C6orf132: variants seen among roughly 807,000 people sequenced by gnomAD.
C6orf132 encodes chromosome 6 open reading frame 132, also known as uncharacterized protein C6orf132.
In C6orf132, 43 loss-of-function variants were observed where a neutral mutation model predicts 65.3. That is an observed-to-expected ratio of 0.66 (90% CI 0.52 to 0.85). C6orf132 has a LOEUF of 0.85. C6orf132 is among the 40% of genes least tolerant of loss of function. The pLI, the probability that C6orf132 is intolerant of heterozygous loss-of-function variation, is 0.00. For synonymous variants in C6orf132, 631 were observed against 654.1 expected (o/e 0.96, Z 0.54); for missense variants, 1,488 against 1,548.8 (o/e 0.96, Z 0.66).
chr6:42,105,275 A>G lies in C6orf132; in HGVS notation c.2637T>C (p.Ser879=). 6.5e-7 allele frequency: 1 copy of G among 1,537,214 alleles called. No homozygotes were observed. The highest frequency in any genetic ancestry group is 8.7e-7 in the Non-Finnish European group (1 of 1,146,884). The change falls in exon 4 of 5, where the codon TCT becomes TCC. Residue 879 remains serine, a synonymous_variant. Transcript: ENST00000341865. ...TGCCCTGGCTGTGGAAGATGCTGTC[A>G]GAGCTGGCCTCGGCTTGGTGGCTGT... is the stretch of plus-strand genomic sequence containing the variant. The part of the protein sequence containing the change: ...RDHSHQAEAS[S]DSIFHSQGTP...
chr6:42,103,203 C>T lies in C6orf132; in HGVS notation c.*558G>A, dbSNP rs79755739. The T allele has an allele frequency of 2.8e-4, 113 of 398,632 alleles. No homozygotes were observed. Among genetic ancestry groups the T allele is most frequent in the African/African-American group, 1.8e-3 (88 of 48,736 alleles). 24.7% of individuals were successfully genotyped at this position (398,632 alleles called of 1,614,324 possible). A position where few individuals can be genotyped will look rare whatever the true frequency, so the allele number is the denominator to read the frequency against. On this transcript the variant is annotated 3_prime_UTR_variant, in exon 5 of 5. Coordinates refer to ENST00000341865, the MANE Select transcript of C6orf132 (RefSeq NM_001164446.3). ...TGTTATACATACACATTCCTGGTCC[C>T]ACCTCAATGCGGCTAGGAACCCCAG...
At position 42,106,766 on chromosome 6, in the gene C6orf132, T is replaced by TTGGGAC. The variant is rs2127473594; in HGVS notation, c.1140_1145dup (p.Ser381_Gln382dup). ...GCGGAGTCCCAGCTCGTTCATCTGC[T>TTGGGAC]TGGGACTGGGACTGGCCAAGCCTTG... On this transcript the variant is annotated inframe_insertion, in exon 4 of 5. Transcript: ENST00000341865. The TTGGGAC allele has an allele frequency of 6.5e-7, 1 of 1,533,102 alleles. No homozygotes were observed. Among genetic ancestry groups the TTGGGAC allele is most frequent in the Non-Finnish European group, 8.7e-7 (1 of 1,146,318 alleles). 95.0% of individuals were successfully genotyped at this position (1,533,102 alleles called of 1,614,324 possible).
At chr6:42,122,733 G>A (rs935354832) in intron 2 of C6orf132, among the ~76,000 whole-genome samples, 10 of 152,180 alleles carry the variant, frequency 6.6e-5, no homozygotes, top group African/African-American at 2.4e-4. Context: ...CTGCAGCAGC[G>A]GGGTGGGTGG....
At chr6:42,136,235 T>G (rs765241530) in intron 1 of C6orf132, among the ~76,000 whole-genome samples, 11 of 150,242 alleles carry the variant, frequency 7.3e-5, no homozygotes, top group Non-Finnish European at 1.3e-4. Context: ...TGGATTCACA[T>G]CCATATAATA....
intron 1 of C6orf132, among the ~76,000 whole-genome samples, chr6:42,135,431 C>T (rs1489594290): frequency 6.6e-6 from 1 of 152,198 alleles, no homozygotes. Context: ...GGGCCAGCTC[C>T]GGGCGAGCTG....
chr6:42,108,211 T>C (rs9381138), intron 3 of C6orf132, among the ~76,000 whole-genome samples: 59,269 of 152,054 alleles, frequency 0.39, 12,844 homozygotes, highest in African/African-American at 0.59. Context: ...CTACCACTTA[T>C]TAGATGAGTG....
intron 2 of C6orf132, among the ~76,000 whole-genome samples, chr6:42,119,490 G>A (rs574375533): frequency 1.1e-4 from 16 of 151,206 alleles, no homozygotes; most frequent in Admixed American, 5.9e-4. Context: ...GACCACAGGC[G>A]CGTACCACCA....
intron 1 of C6orf132, among the ~76,000 whole-genome samples, chr6:42,131,074 C>T (rs1443080395): frequency 6.6e-6 from 1 of 151,732 alleles, no homozygotes; most frequent in South Asian, 2.1e-4. Flanking sequence ...TTAGTAGAGA[C>T]GGGGTTTCAC....
intron 2 of C6orf132, among the ~76,000 whole-genome samples, chr6:42,125,836 A>G (rs1029088220): frequency 1.1e-4 from 16 of 151,896 alleles, no homozygotes; most frequent in African/African-American, 3.1e-4. Flanking sequence ...CCCAGACCAG[A>G]TCCAAACCAG....
intron 1 of C6orf132, among the ~76,000 whole-genome samples, chr6:42,138,391 G>A (rs147169382): frequency 1.4e-3 from 208 of 152,178 alleles, no homozygotes; most frequent in East Asian, 0.011. Flanking sequence ...TCCTGAACTC[G>A]AGCAGTCCTC....
At chr6:42,112,990 T>C (rs1766516096) in intron 2 of C6orf132, among the ~76,000 whole-genome samples, 2 of 152,218 alleles carry the variant, frequency 1.3e-5, no homozygotes, top group East Asian at 3.9e-4. Context: ...CTTTTTTTTT[T>C]CCTGCCTTTA....
Position 42,124,751 on chromosome 6 carries a change from C to G in C6orf132, c.252+3921G>C, listed in dbSNP as rs1041253563. On this transcript the variant is annotated intron_variant, in intron 2 of 4. Coordinates refer to ENST00000341865, the MANE Select transcript of C6orf132 (RefSeq NM_001164446.3). The surrounding 1 kb of genome is among the most constrained non-coding windows in gnomAD (Gnocchi z 4.0). The stretch of plus-strand genomic sequence containing the variant: ...TCCCTCTTCTCCCCATCCTTCTGGC[C>G]TTCTGTCCCTGCTGAAAGAAAGCAA... 1.3e-5 allele frequency among the ~76,000 whole-genome samples: 2 copies of G among 152,224 alleles called. No individual in the cohort carries two copies. Among genetic ancestry groups the G allele is most frequent in the African/African-American group, 2.4e-5 (1 of 41,462 alleles).
At chr6:42,108,914 A>G (rs1052328775) in intron 3 of C6orf132, among the ~76,000 whole-genome samples, 2 of 152,172 alleles carry the variant, frequency 1.3e-5, no homozygotes, top group Non-Finnish European at 2.9e-5. Flanking sequence ...GGGGAAGGGG[A>G]AAACTAACAT....
chr6:42,141,533 C>A (rs1332578447), intron 1 of C6orf132, among the ~76,000 whole-genome samples: 2 of 152,216 alleles, frequency 1.3e-5, no homozygotes, highest in East Asian at 3.8e-4. Context: ...CAAGGCGGTG[C>A]TTTTAGAGGC....
intron 2 of C6orf132, among the ~76,000 whole-genome samples, chr6:42,113,984 G>A (rs928326428): frequency 5.3e-5 from 8 of 152,060 alleles, no homozygotes; most frequent in South Asian, 2.1e-4. Flanking sequence ...TGAAAAAATC[G>A]TGAACAATCA....
chr6:42,134,100 C>T (rs2127479648), intron 1 of C6orf132, among the ~76,000 whole-genome samples: 1 of 152,208 alleles, frequency 6.6e-6, no homozygotes, highest in South Asian at 2.1e-4. Flanking sequence ...TGAGGTTCTG[C>T]CCTGGCCGGA....
rs1766412205 is a variant in C6orf132 at position 42,106,626 on chromosome 6, C to T, written c.1286G>A (p.Gly429Glu). Residue 429 changes from glycine to glutamate, a missense_variant, in exon 4 of 5, where the codon GGG becomes GAG. Physicochemically the swap from Gly to Glu is moderately conservative, Grantham distance 98. Coordinates refer to ENST00000341865, the MANE Select transcript of C6orf132 (RefSeq NM_001164446.3). Reference protein sequence around the residue: ...CAQKAAHPPAGFTKTPKSSSP... With the variant: ...CAQKAAHPPAEFTKTPKSSSP... ...GCTGGATTTAGGGGTTTTTGTAAAC[C>T]CAGCAGGTGGATGGGCTGCCTTCTG... is the stretch of plus-strand genomic sequence containing the variant. The T allele has an allele frequency of 2.0e-6, 3 of 1,533,708 alleles. No individual in the cohort carries two copies. Among genetic ancestry groups the T allele is most frequent in the African/African-American group, 1.4e-5 (1 of 72,176 alleles).
chr6:42,106,743 G>A lies in C6orf132; in HGVS notation c.1169C>T (p.Pro390Leu), dbSNP rs947579415. ...QSQADERAGT[P>L]PPAPPLPPPA... ...AGGGGGCAGGGGAGGGGCTGGAGGCGGAGTCCCAGCTCGTTCATCTGCTTG... is the reference window on the plus strand; with the variant it reads ...AGGGGGCAGGGGAGGGGCTGGAGGCAGAGTCCCAGCTCGTTCATCTGCTTG... Residue 390 changes from proline to leucine, a missense_variant, in exon 4 of 5, where the codon CCG becomes CTG. Transcript: ENST00000341865. The A allele has an allele frequency of 5.4e-5, 82 of 1,528,088 alleles. No homozygotes were observed. The African/African-American group carries it at 7.2e-4, about 13-fold the overall frequency. 94.7% of individuals were successfully genotyped at this position (1,528,088 alleles called of 1,614,324 possible). A position where few individuals can be genotyped will look rare whatever the true frequency, so the allele number is the denominator to read the frequency against.
Position 42,105,211 on chromosome 6 carries a change from C to G in C6orf132, c.2701G>C (p.Glu901Gln). The G allele has an allele frequency of 1.3e-6, 2 of 1,537,198 alleles. No individual in the cohort carries two copies. Residue 901 changes from glutamate to glutamine, a missense_variant, in exon 4 of 5, where the codon GAG becomes CAG. Glu to Gln is a conservative substitution (Grantham distance 29). Coordinates refer to ENST00000341865, the MANE Select transcript of C6orf132 (RefSeq NM_001164446.3). ...GTCAGCGGGGAGTCCTTCTCAGCCT[C>G]CTTGGGTAACTTGGGCACCACAGTG... Reference protein sequence around the residue: ...SFTVVPKLPKEAEKDSPLTTE... With the variant: ...SFTVVPKLPKQAEKDSPLTTE...
Sources: allele counts gnomAD v4.1 joint callset (sites outside exome capture counted in the v4.1 genomes callset), GRCh38; gene constraint gnomAD v4.1.1; non-coding constraint Gnocchi (gnomAD v3.1); transcripts MANE v1.5; gene names NCBI Gene and HGNC (gene_info 2026-07-23, HGNC 2026-07-21).